The following OSBPL3 variants were observed in gnomAD, a reference collection of about 807,000 sequenced individuals.
OSBPL3 encodes the protein oxysterol binding protein like 3, also known as oxysterol-binding protein-related protein 3.
OSBPL3 carries 65 observed loss-of-function variants against 120.1 expected under a neutral mutation model. The observed-to-expected ratio is 0.54, with a 90% CI of 0.44 to 0.67. The LOEUF (loss-of-function observed/expected upper bound fraction) is 0.67, where lower values mean the gene tolerates loss of function less well. Among genes scored for constraint, OSBPL3 ranks in the 30% least tolerant of loss-of-function variants. OSBPL3 has a pLI of 0.00. For missense variants in OSBPL3, 1,004 were observed against 1,082.1 expected (o/e 0.93, Z 1.01); for synonymous variants, 416 against 402.6 (o/e 1.03, Z -0.40).
In OSBPL3 at chr7:24,871,760, A is replaced by G. The variant is rs759079240; in HGVS notation, c.249T>C (p.Tyr83=). The change falls in exon 4 of 23, where the codon TAT becomes TAC. Residue 83 remains tyrosine, a synonymous_variant. Transcript: ENST00000313367. The surrounding 1 kb of genome is among the most constrained non-coding windows in gnomAD (Gnocchi z 4.8). ...GACTTACATCGGTTTGGCTCTTGGC[A>G]TATTTCAAGATTCCTTTGTCCAGAT... is the stretch of plus-strand genomic sequence containing the variant. ...FFYLDKGILK[Y]AKSQTDIERE... 7 of 1,613,168 alleles carry G rather than the reference A, an allele frequency of 4.3e-6. No homozygotes were observed. Among genetic ancestry groups the G allele is most frequent in the South Asian group, 3.3e-5 (3 of 91,048 alleles).
At chr7:24,974,856 T>C (rs1456967822) in intron 1 of OSBPL3, among the ~76,000 whole-genome samples, 1 of 152,128 alleles carries the variant, frequency 6.6e-6, no homozygotes, top group African/African-American at 2.4e-5. Context: ...ACGGGCAGTA[T>C]GGGGAATGAC....
chr7:24,964,960 G>C lies in OSBPL3; in HGVS notation c.-150+14926C>G, dbSNP rs1816207714. ...TTACTAGCTTTAAAGGCAATGTTTT[G>C]GGAAGTATTTTTAATAGGCATGTTG... On this transcript the variant is annotated intron_variant, in intron 1 of 22. Coordinates refer to ENST00000313367, the MANE Select transcript of OSBPL3 (RefSeq NM_015550.4). This position sits in a 1 kb window ranked among gnomAD's most constrained non-coding sequence, Gnocchi z 4.2. Among the ~76,000 whole-genome samples, 1 of 152,116 alleles carries C rather than the reference G, an allele frequency of 6.6e-6. No homozygotes were observed. Among genetic ancestry groups the C allele is most frequent in the Admixed American group, 6.5e-5 (1 of 15,270 alleles).
At position 24,912,019 on chromosome 7, in the gene OSBPL3, T is replaced by C. The variant is rs149057283; in HGVS notation, c.-149-19398A>G. ...GTAGAGTGTATAGATCAAAAGCAAT[T>C]TGAAGACTGTCTCATCCTTGTTTTT... On this transcript the variant is annotated intron_variant, in intron 1 of 22. Coordinates refer to ENST00000313367, the MANE Select transcript of OSBPL3 (RefSeq NM_015550.4). The surrounding 1 kb of genome is among the most constrained non-coding windows in gnomAD (Gnocchi z 4.5). Among the ~76,000 whole-genome samples the C allele has an allele frequency of 5.3e-5, 8 of 152,296 alleles. No homozygotes were observed. The highest frequency in any genetic ancestry group is 8.8e-5 in the Non-Finnish European group (6 of 68,002).
In OSBPL3 at chr7:24,959,052, C is replaced by T. The variant is rs545542824; in HGVS notation, c.-150+20834G>A. Among the ~76,000 whole-genome samples, 11 of 152,170 alleles carry T rather than the reference C, an allele frequency of 7.2e-5. No homozygotes were observed. The highest frequency in any genetic ancestry group is 1.5e-4 in the Non-Finnish European group (10 of 67,976). ...ATGAATTGTAAGTTTTAAACATTCACTAGAATGGCTAAAATAAAAAAGAAA... is the reference window on the plus strand; with the variant it reads ...ATGAATTGTAAGTTTTAAACATTCATTAGAATGGCTAAAATAAAAAAGAAA... On this transcript the variant is annotated intron_variant, in intron 1 of 22. Coordinates refer to ENST00000313367, the MANE Select transcript of OSBPL3 (RefSeq NM_015550.4). The surrounding 1 kb of genome is among the most constrained non-coding windows in gnomAD (Gnocchi z 4.3).
At position 24,818,504 on chromosome 7, in the gene OSBPL3, T is replaced by C. The variant is rs1280841623; in HGVS notation, c.1948+1671A>G. 1.3e-5 allele frequency among the ~76,000 whole-genome samples: 2 copies of C among 152,180 alleles called. No individual in the cohort carries two copies. The highest frequency in any genetic ancestry group is 1.5e-5 in the Non-Finnish European group (1 of 68,032). On this transcript the variant is annotated intron_variant, in intron 17 of 22. Transcript: ENST00000313367. The surrounding 1 kb of genome is among the most constrained non-coding windows in gnomAD (Gnocchi z 4.0). ...ATCTCACTATATGAAACTGGCATAA[T>C]ATTATTTGATGATATTAAAAATATA... is the stretch of plus-strand genomic sequence containing the variant.
intron 16 of OSBPL3, among the ~76,000 whole-genome samples, chr7:24,828,540 G>A (rs1795962033): frequency 7.0e-6 from 1 of 142,302 alleles, no homozygotes; most frequent in African/African-American, 2.6e-5. Context: ...CTGGGAGGCA[G>A]AGGTTGCAGT....
In OSBPL3 at chr7:24,815,320, C is replaced by T. The variant is rs1794336246; in HGVS notation, c.2028-117G>A. The T allele has an allele frequency of 1.3e-6, 1 of 775,376 alleles. No homozygotes were observed. The highest frequency in any genetic ancestry group is 2.1e-6 in the Non-Finnish European group (1 of 473,986). 48.0% of individuals were successfully genotyped at this position (775,376 alleles called of 1,614,324 possible). ...AATGCATTATTCATCTCTTTATTCA[C>T]AGAAGCAACACTGGCTAAGTGTCTA... is the stretch of plus-strand genomic sequence containing the variant. On this transcript the variant is annotated intron_variant, in intron 18 of 22. Transcript: ENST00000313367. This position sits in a 1 kb window ranked among gnomAD's most constrained non-coding sequence, Gnocchi z 5.1.
At position 24,898,568 on chromosome 7, in the gene OSBPL3, T is replaced by C. The variant is rs902943973; in HGVS notation, c.-149-5947A>G. On this transcript the variant is annotated intron_variant, in intron 1 of 22. Coordinates refer to ENST00000313367, the MANE Select transcript of OSBPL3 (RefSeq NM_015550.4). The surrounding 1 kb of genome is among the most constrained non-coding windows in gnomAD (Gnocchi z 4.3). ...CCTGCTCCATCCATGGCCTTCACAA[T>C]CCACTTCTTCAGGGGACATCAGATT... 2.0e-5 allele frequency among the ~76,000 whole-genome samples: 3 copies of C among 152,130 alleles called. No individual in the cohort carries two copies. The highest frequency in any genetic ancestry group is 7.2e-5 in the African/African-American group (3 of 41,416).
chr7:24,903,883 A>ATTT (rs5882953), intron 1 of OSBPL3, among the ~76,000 whole-genome samples: 19 of 138,926 alleles, frequency 1.4e-4, no homozygotes, highest in African/African-American at 2.7e-4. Flanking sequence ...CTCACCACCA[A>ATTT]TTTTTTTTTT....
intron 16 of OSBPL3, among the ~76,000 whole-genome samples, chr7:24,825,461 C>A (rs1795598875): frequency 6.6e-6 from 1 of 152,166 alleles, no homozygotes; most frequent in African/African-American, 2.4e-5. Context: ...ATCTCATAAA[C>A]ACATGGCCTC....
chr7:24,875,033 G>A (rs1303588781), intron 2 of OSBPL3, among the ~76,000 whole-genome samples: 1 of 152,192 alleles, frequency 6.6e-6, no homozygotes, highest in African/African-American at 2.4e-5. Flanking sequence ...AGCCAGGAAT[G>A]TTAGATGTCC....
chr7:24,910,176 G>C (rs1808615868), intron 1 of OSBPL3, among the ~76,000 whole-genome samples: 1 of 152,082 alleles, frequency 6.6e-6, no homozygotes, highest in South Asian at 2.1e-4. Flanking sequence ...CTCAAAATAG[G>C]ATAGATGGTA....
chr7:24,917,436 T>TATATATATATATATTTGTAAC (rs1809808301), intron 1 of OSBPL3, among the ~76,000 whole-genome samples: 1 of 99,778 alleles, frequency 1.0e-5, no homozygotes, highest in African/African-American at 4.2e-5. Flanking sequence ...ATTTGTAACA[T>TATATATATATATATTTGTAAC]ATATATATAT....
rs1008875038 is a variant in OSBPL3 at position 24,939,037 on chromosome 7, T to A, written c.-150+40849A>T. Among the ~76,000 whole-genome samples the A allele has an allele frequency of 1.3e-5, 2 of 151,992 alleles. No homozygotes were observed. The highest frequency in any genetic ancestry group is 1.3e-4 in the Admixed American group (2 of 15,242). On this transcript the variant is annotated intron_variant, in intron 1 of 22. Transcript: ENST00000313367. The surrounding 1 kb of genome is among the most constrained non-coding windows in gnomAD (Gnocchi z 4.2). ...GATTAAAGAATTTTTAGCACAGAGA[T>A]ATTGGATGAAATCATAGGAACAGTT...
intron 13 of OSBPL3, 82 bp downstream of exon 13, chr7:24,842,197 G>C: frequency 7.1e-7 from 1 of 1,409,762 alleles, no homozygotes; most frequent in Non-Finnish European, 9.8e-7. Context: ...TGTTTCTGAT[G>C]ATGGATTATT....
At chr7:24,838,473 G>T (rs1167767683) in intron 14 of OSBPL3, among the ~76,000 whole-genome samples, 2 of 152,186 alleles carry the variant, frequency 1.3e-5, no homozygotes, top group Non-Finnish European at 2.9e-5. Context: ...TCCAGCCTGG[G>T]CGACAGAGTG....
Position 24,854,558 on chromosome 7 carries a change from C to T in OSBPL3, c.1028-1924G>A, listed in dbSNP as rs1799602663. ...CACACAAACACACACAATGGTGCTG[C>T]CTCTGCCAACAGAAGATGGGGGTCA... On this transcript the variant is annotated intron_variant, in intron 10 of 22. Coordinates refer to ENST00000313367, the MANE Select transcript of OSBPL3 (RefSeq NM_015550.4). This position sits in a 1 kb window ranked among gnomAD's most constrained non-coding sequence, Gnocchi z 4.1. Among the ~76,000 whole-genome samples the T allele has an allele frequency of 6.6e-6, 1 of 151,312 alleles. No homozygotes were observed. The highest frequency in any genetic ancestry group is 1.5e-5 in the Non-Finnish European group (1 of 67,888).
Position 24,936,426 on chromosome 7 carries a change from A to C in OSBPL3, c.-150+43460T>G, listed in dbSNP as rs1812431459. On this transcript the variant is annotated intron_variant, in intron 1 of 22. Transcript: ENST00000313367. This position sits in a 1 kb window ranked among gnomAD's most constrained non-coding sequence, Gnocchi z 4.2. The stretch of plus-strand genomic sequence containing the variant: ...ACAAGACAAAGATCTTGCTCTTAAC[A>C]AGGTCAAAACTGCAATGCAATACAA... Among the ~76,000 whole-genome samples, 1 of 152,194 alleles carries C rather than the reference A, an allele frequency of 6.6e-6. No individual in the cohort carries two copies. The highest frequency in any genetic ancestry group is 2.4e-5 in the African/African-American group (1 of 41,438).
At chr7:24,811,475 TATTG>T (rs1338120251) in intron 19 of OSBPL3, among the ~76,000 whole-genome samples, 2 of 152,244 alleles carry the variant, frequency 1.3e-5, no homozygotes, top group Admixed American at 6.5e-5. Flanking sequence ...TTCTTTACTG[TATTG>T]ATTGTTTCCT....
Sources: gnomAD v4.1 joint callset for allele counts (sites outside exome capture counted in the v4.1 genomes callset) on GRCh38, gnomAD v4.1.1 for gene constraint, Gnocchi (gnomAD v3.1) non-coding constraint, MANE v1.5 for transcripts, NCBI Gene and HGNC (gene_info 2026-07-23, HGNC 2026-07-21) for gene names.